The following UNC45B variants were observed in gnomAD, a reference collection of about 807,000 sequenced individuals.
The protein encoded by UNC45B is unc-45 myosin chaperone B.
Under a neutral mutation model 98.7 loss-of-function variants are expected in UNC45B, and 78 were observed. The ratio of observed to expected loss-of-function variants is 0.79; its 90% confidence interval spans 0.66 to 0.95. UNC45B has a LOEUF of 0.95. Ranked by LOEUF, UNC45B falls within the 40% of genes least tolerant of loss-of-function variation. The pLI, the probability that UNC45B is intolerant of heterozygous loss-of-function variation, is 0.00. For missense variants in UNC45B, 1,225 were observed against 1,184.9 expected (o/e 1.03, Z -0.50); for synonymous variants, 462 against 480.4 (o/e 0.96, Z 0.50).
intron 6 of UNC45B, 117 bp from the exon 7 acceptor site, chr17:35,155,179 G>A: frequency 7.7e-7 from 1 of 1,297,294 alleles, no homozygotes. Flanking sequence ...GGCTGCCTGG[G>A]CTGATTTCTC....
chr17:35,154,708 C>A lies in UNC45B; in HGVS notation c.606C>A (p.Thr202=), dbSNP rs762217527. Residue 202 remains threonine (T), a synonymous_variant, in exon 6 of 20, where the codon ACC becomes ACA. Coordinates refer to ENST00000394570, the MANE Select transcript of UNC45B (RefSeq NM_001267052.2). Reference sequence around the variant, plus strand: ...AGCTGGTGCTGGCTGCAGTGCGGACCCTGTCGGGCATGTGCAGCGGCCACC... The same window carrying A: ...AGCTGGTGCTGGCTGCAGTGCGGACACTGTCGGGCATGTGCAGCGGCCACC... The part of the protein sequence containing the change: ...KPELVLAAVR[T]LSGMCSGHQA... The A allele has an allele frequency of 1.9e-6, 3 of 1,603,982 alleles. No homozygotes were observed. The highest frequency in any genetic ancestry group is 1.3e-5 in the African/African-American group (1 of 74,346).
chr17:35,153,693 G>GT (rs999686894), intron 5 of UNC45B, among the ~76,000 whole-genome samples: 17 of 144,684 alleles, frequency 1.2e-4, no homozygotes, highest in South Asian at 2.2e-4. Context: ...TTTTTGGTTT[G>GT]TTTTTTTTGT....
chr17:35,173,125 CTTTTTTTTTTT>C (rs11428951), intron 13 of UNC45B, among the ~76,000 whole-genome samples: 1 of 126,158 alleles, frequency 7.9e-6, no homozygotes, highest in Non-Finnish European at 1.6e-5. Context: ...AATTTTTATA[CTTTTTTTTTTT>C]TTTTTTTTGA....
At chr17:35,150,319 T>TG in intron 4 of UNC45B, 96 bp downstream of exon 4, 1 of 1,339,466 alleles carries the variant, frequency 7.5e-7, no homozygotes, top group Non-Finnish European at 1.0e-6. Context: ...AGGGCAGGGC[T>TG]AGCCCTACCT....
intron 4 of UNC45B, among the ~76,000 whole-genome samples, chr17:35,151,707 G>A (rs1024940974): frequency 2.0e-5 from 3 of 152,208 alleles, no homozygotes; most frequent in East Asian, 3.8e-4. Flanking sequence ...ACCACAGCAT[G>A]CTGTCCAGGG....
At chr17:35,155,515 C>T (rs1192432763) in intron 7 of UNC45B, 51 bp downstream of exon 7, 1 of 1,575,876 alleles carries the variant, frequency 6.3e-7, no homozygotes, top group South Asian at 1.1e-5. Flanking sequence ...AAGAAAAGGT[C>T]AGTTGCTACC....
At position 35,180,555 on chromosome 17, in the gene UNC45B, C is replaced by G. The variant is rs1411081177; in HGVS notation, c.2256-4C>G. ...GTCTTTCTTCCTCCACCCTCCTACC[C>G]TAGGCAGAAGATCTTTAAGGAGAGG... On this transcript the variant is annotated splice_region_variant and splice_polypyrimidine_tract_variant and intron_variant, in intron 17 of 19. Coordinates refer to ENST00000394570, the MANE Select transcript of UNC45B (RefSeq NM_001267052.2). 2.9e-5 allele frequency: 46 copies of G among 1,612,610 alleles called. No homozygotes were observed. The highest frequency in any genetic ancestry group is 3.9e-5 in the Non-Finnish European group (46 of 1,178,908).
At chr17:35,181,622 C>T (rs181058730) in intron 18 of UNC45B, among the ~76,000 whole-genome samples, 1 of 152,166 alleles carries the variant, frequency 6.6e-6, no homozygotes, top group Admixed American at 6.5e-5. Context: ...AAAACCCTGT[C>T]TCTACTAAAA....
At chr17:35,180,786 C>A in intron 18 of UNC45B, 110 bp downstream of exon 18, 1 of 702,090 alleles carries the variant, frequency 1.4e-6, no homozygotes, top group East Asian at 2.9e-5. Flanking sequence ...ATTAAGGTAG[C>A]ATTTTGGGCA....
At chr17:35,174,115 C>A in intron 13 of UNC45B, 127 bp from the exon 14 acceptor site, 1 of 1,351,340 alleles carries the variant, frequency 7.4e-7, no homozygotes. Context: ...CTGGCCAGGC[C>A]ATGGACATCT....
At chr17:35,148,468 C>G (rs1289052076) in intron 2 of UNC45B, 37 bp downstream of exon 2, 2 of 1,596,978 alleles carry the variant, frequency 1.3e-6, no homozygotes, top group Non-Finnish European at 1.7e-6. Flanking sequence ...GGGAGTGAGG[C>G]AGAGGGGCTT....
intron 5 of UNC45B, among the ~76,000 whole-genome samples, chr17:35,153,951 G>A (rs1251682775): frequency 6.6e-6 from 1 of 152,094 alleles, no homozygotes; most frequent in Non-Finnish European, 1.5e-5. Context: ...AAGGCTTTAG[G>A]TGGGAAGAGA....
At chr17:35,176,667 C>A (rs569651366) in intron 15 of UNC45B, among the ~76,000 whole-genome samples, 1 of 152,044 alleles carries the variant, frequency 6.6e-6, no homozygotes, top group African/African-American at 2.4e-5. Context: ...GCAGCAAGAG[C>A]GAAACTCTGT....
chr17:35,174,188 C>A (rs567565984), intron 13 of UNC45B, 54 bp from the exon 14 acceptor site: 3 of 1,611,254 alleles, frequency 1.9e-6, no homozygotes, highest in South Asian at 1.1e-5. Flanking sequence ...GTTCCAATAC[C>A]GATTGGCCTG....
chr17:35,186,265 C>A, intron 19 of UNC45B, 34 bp from the exon 20 acceptor site: 1 of 1,609,196 alleles, frequency 6.2e-7, no homozygotes, highest in South Asian at 1.1e-5. Flanking sequence ...ACACTCAAAC[C>A]TAGCACCTTC....
intron 7 of UNC45B, among the ~76,000 whole-genome samples, chr17:35,157,402 A>G (rs2092071498): frequency 6.6e-6 from 1 of 151,902 alleles, no homozygotes; most frequent in South Asian, 2.1e-4. Flanking sequence ...GGGTTTTACC[A>G]TGTTGGCCAG....
At chr17:35,154,809 T>G in intron 6 of UNC45B, 68 bp downstream of exon 6, 1 of 1,464,316 alleles carries the variant, frequency 6.8e-7, no homozygotes, top group Non-Finnish European at 9.0e-7. Flanking sequence ...GGGTGACGTG[T>G]GGTCAGGGCT....
chr17:35,150,769 C>CA (rs891545789), intron 4 of UNC45B, among the ~76,000 whole-genome samples: 1 of 151,130 alleles, frequency 6.6e-6, no homozygotes, highest in African/African-American at 2.4e-5. Context: ...CCGCCCCCCC[C>CA]AAAAAAATTC....
At chr17:35,182,237 G>A (rs149377632) in intron 18 of UNC45B, among the ~76,000 whole-genome samples, 13 of 151,898 alleles carry the variant, frequency 8.6e-5, no homozygotes, top group East Asian at 1.9e-4. Flanking sequence ...CTACAGGCGC[G>A]TGCCACCACC....
Sources: allele counts gnomAD v4.1 joint callset (sites outside exome capture counted in the v4.1 genomes callset), GRCh38; gene constraint gnomAD v4.1.1; transcripts MANE v1.5; gene names NCBI Gene and HGNC (gene_info 2026-07-23, HGNC 2026-07-21).